NDUFS2: variants seen among roughly 807,000 people sequenced by gnomAD.
The protein encoded by NDUFS2 is NADH dehydrogenase [ubiquinone] iron-sulfur protein 2, mitochondrial.
A neutral mutation model predicts 69.6 loss-of-function variants in NDUFS2; 38 were observed. The ratio of observed to expected loss-of-function variants is 0.55; its 90% CI spans 0.42 to 0.72. NDUFS2 has a LOEUF of 0.72. Ranked by LOEUF, NDUFS2 falls within the 30% of genes least tolerant of loss-of-function variation. NDUFS2 has a pLI of 0.00. For missense variants in NDUFS2, 468 were observed against 595.0 expected, an observed-to-expected ratio of 0.79 and a Z score of 2.22; for synonymous variants, 194 against 211.2, an observed-to-expected ratio of 0.92 and a Z score of 0.70.
chr1:161,212,770 G>C, intron 10 of NDUFS2: 1 of 357,834 alleles, frequency 2.8e-6, no homozygotes, highest in Non-Finnish European at 5.4e-6. Flanking sequence ...TATTGGTCAG[G>C]GTGGTCTCGA....
intron 3 of NDUFS2, among the ~76,000 whole-genome samples, chr1:161,207,976 ATTTTT>A (rs965466967): frequency 2.3e-5 from 2 of 88,780 alleles, no homozygotes; most frequent in African/African-American, 1.2e-4. Context: ...TGCCTGGCTA[ATTTTT>A]TTTTTTTTTT....
chr1:161,209,602 G>C lies in NDUFS2; in HGVS notation c.627+7G>C. 1 of 1,603,532 alleles carries C rather than the reference G, an allele frequency of 6.2e-7. No individual in the cohort carries two copies. Among genetic ancestry groups the C allele is most frequent in the East Asian group, 2.2e-5 (1 of 44,824 alleles). ...GTTTGAAGAAAGGGAGAAGGTAAGA[G>C]TGGGAGGAAAGGATAGGAATAGGGA... On this transcript the variant is annotated splice_region_variant and intron_variant, in intron 5 of 13. Coordinates refer to ENST00000676972, the MANE Select transcript of NDUFS2 (RefSeq NM_001377299.1).
chr1:161,201,946 A>G (rs115518404), upstream of NDUFS2: 3,153 of 216,784 alleles, frequency 0.015, 42 homozygotes, highest in Non-Finnish European at 0.02. Context: ...TGGGAAAGTA[A>G]TTGGCAAAGC....
At position 161,202,459 on chromosome 1, in the gene NDUFS2, G is replaced by C. The variant is rs1665189958; in HGVS notation, c.74G>C (p.Arg25Pro). The stretch of plus-strand genomic sequence containing the variant: ...GTGCTGCGGCCTGGGGCTGGAGTCC[G>C]ATTGCCGATTCAGCCCAGCAGGTGA... ...AQVLRPGAGV[R>P]LPIQPSRGVR... The change falls in exon 1 of 14, where the codon CGA (arginine) becomes CCA (proline). Residue 25 changes from arginine to proline, a missense_variant. By Grantham distance (103) the Arg-to-Pro change is moderately radical (BLOSUM62 -2). Transcript: ENST00000676972. 1.9e-6 allele frequency: 3 copies of C among 1,611,760 alleles called. No individual in the cohort carries two copies. The highest frequency in any genetic ancestry group is 2.5e-6 in the Non-Finnish European group (3 of 1,179,350).
At chr1:161,213,779 C>T (rs769424107) in intron 12 of NDUFS2, 47 bp downstream of exon 12, 15 of 1,610,298 alleles carry the variant, frequency 9.3e-6, no homozygotes, top group African/African-American at 1.3e-5. Flanking sequence ...TTAAACCTGA[C>T]CTTGGTTGAG....
intron 10 of NDUFS2, chr1:161,212,787 G>C (rs181638800): frequency 2.9e-6 from 1 of 342,378 alleles, no homozygotes; most frequent in Non-Finnish European, 5.7e-6. Context: ...TCGAACTCCT[G>C]ACCTCAGGTG....
chr1:161,210,648 T>C lies in NDUFS2; in HGVS notation c.924T>C (p.Tyr308=), dbSNP rs1162159068. 1 of 1,614,092 alleles carries C rather than the reference T, an allele frequency of 6.2e-7. No individual in the cohort carries two copies. Among genetic ancestry groups the C allele is most frequent in the African/African-American group, 1.3e-5 (1 of 74,920 alleles). The change falls in exon 9 of 14, where the codon TAT becomes TAC. Residue 308 remains tyrosine (Y), a synonymous_variant. Transcript: ENST00000676972. ...IQWDLRKTQP[Y]DVYDQVEFDV... Reference sequence around the variant, plus strand: ...GGGACCTGCGGAAGACCCAGCCCTATGATGTTTACGACCAGGTTGAGTTTG... The same window carrying C: ...GGGACCTGCGGAAGACCCAGCCCTACGATGTTTACGACCAGGTTGAGTTTG...
At chr1:161,210,787 T>G in intron 9 of NDUFS2, 77 bp downstream of exon 9, 2 of 1,603,006 alleles carry the variant, frequency 1.2e-6, no homozygotes. Context: ...CACTTCCTTC[T>G]TTACCCTACT....
chr1:161,211,728 GT>G (rs964918976), intron 9 of NDUFS2, among the ~76,000 whole-genome samples: 1 of 120,098 alleles, frequency 8.3e-6, no homozygotes, highest in Non-Finnish European at 1.8e-5. Context: ...ACTGTGTATT[GT>G]TTTTTTTATT....
upstream of NDUFS2, chr1:161,198,198 A>G: frequency 6.2e-7 from 1 of 1,614,062 alleles, no homozygotes; most frequent in Non-Finnish European, 8.5e-7. This position sits in a 1 kb window ranked among gnomAD's most constrained non-coding sequence, Gnocchi z 4.7. Context: ...CCCCCATCCC[A>G]GTGCAGAGAT....
In NDUFS2 at chr1:161,209,910, C is replaced by A. The variant is rs1665677622; in HGVS notation, c.681C>A (p.Ile227=). Residue 227 remains isoleucine (I), a synonymous_variant, in exon 6 of 14, where the codon ATC becomes ATA. Transcript: ENST00000676972. ...VSGARMHAAY[I]RPGGVHQDLP... is the part of the protein sequence containing the mutation. ...GAGCCCGAATGCATGCTGCTTATAT[C>A]CGGCCAGGAGGAGTGCACCAGGTGA... The A allele has an allele frequency of 6.2e-7, 1 of 1,613,880 alleles. No homozygotes were observed. Among genetic ancestry groups the A allele is most frequent in the South Asian group, 1.1e-5 (1 of 91,072 alleles).
chr1:161,207,352 C>T (rs1032337474), intron 3 of NDUFS2, among the ~76,000 whole-genome samples: 8 of 152,200 alleles, frequency 5.3e-5, no homozygotes, highest in Non-Finnish European at 8.8e-5. Context: ...CAGCTAGTAG[C>T]GTCTTAGCTC....
chr1:161,205,379 T>C (rs1471516415), intron 2 of NDUFS2, among the ~76,000 whole-genome samples: 1 of 152,214 alleles, frequency 6.6e-6, no homozygotes, highest in Non-Finnish European at 1.5e-5. Context: ...GTTTACTTCC[T>C]TGTTTCTAAG....
At chr1:161,201,253 G>A (rs1422288144), upstream of NDUFS2, among the ~76,000 whole-genome samples, 1 of 152,208 alleles carries the variant, frequency 6.6e-6, no homozygotes, top group Non-Finnish European at 1.5e-5. Flanking sequence ...CCAGAAGTCT[G>A]GCTTTCCCCT....
chr1:161,210,014 A>G, intron 6 of NDUFS2, 83 bp downstream of exon 6: 6 of 1,597,264 alleles, frequency 3.8e-6, no homozygotes, highest in Admixed American at 1.7e-5. Flanking sequence ...TGGATGATGG[A>G]AACTCCAAAC....
chr1:161,197,857 T>C (rs771800462), upstream of NDUFS2: 81 of 1,307,936 alleles, frequency 6.2e-5, no homozygotes, highest in Non-Finnish European at 8.0e-5. Flanking sequence ...AGGAGGCTCA[T>C]GGAGAAAGGA....
In NDUFS2 at chr1:161,211,628, C is replaced by T. The variant is rs551059608; in HGVS notation, c.987-723C>T. On this transcript the variant is annotated intron_variant, in intron 9 of 13. Coordinates refer to ENST00000676972, the MANE Select transcript of NDUFS2 (RefSeq NM_001377299.1). ...TGGAGCCACTGCATTCCAGCCTGGGCGACAGAGCGAGACTCTGTCTCAAAA... is the reference window on the plus strand; with the variant it reads ...TGGAGCCACTGCATTCCAGCCTGGGTGACAGAGCGAGACTCTGTCTCAAAA... 3.1e-3 allele frequency among the ~76,000 whole-genome samples: 476 copies of T among 152,076 alleles called. 3 individuals are homozygous for T. The highest frequency in any genetic ancestry group is 8.0e-3 in the Admixed American group (122 of 15,278).
At position 161,206,489 on chromosome 1, in the gene NDUFS2, G is replaced by A. The variant is rs764795771; in HGVS notation, c.285G>A (p.Leu95=). The A allele has an allele frequency of 1.3e-5, 21 of 1,614,258 alleles. No individual in the cohort carries two copies. The Admixed American group carries it at 3.5e-4, about 27-fold the overall frequency. ...GPQHPAAHGV[L]RLVMELSGEM... Reference sequence around the variant, plus strand: ...AACACCCAGCAGCGCATGGTGTCCTGCGACTAGTGATGGAATTGAGTGGGG... The same window carrying A: ...AACACCCAGCAGCGCATGGTGTCCTACGACTAGTGATGGAATTGAGTGGGG... Residue 95 remains leucine, a synonymous_variant, in exon 3 of 14, where the codon CTG becomes CTA. Coordinates refer to ENST00000676972, the MANE Select transcript of NDUFS2 (RefSeq NM_001377299.1).
chr1:161,198,584 C>A, upstream of NDUFS2: 1 of 1,542,184 alleles, frequency 6.5e-7, no homozygotes, highest in South Asian at 1.2e-5. This position sits in a 1 kb window ranked among gnomAD's most constrained non-coding sequence, Gnocchi z 4.7. Flanking sequence ...CCACAGCCAG[C>A]GCCCTGCCAA....
Sources: gnomAD v4.1 joint callset for allele counts (sites outside exome capture counted in the v4.1 genomes callset) on GRCh38, gnomAD v4.1.1 for gene constraint, Gnocchi (gnomAD v3.1) non-coding constraint, MANE v1.5 for transcripts, NCBI Gene and HGNC (gene_info 2026-07-23, HGNC 2026-07-21) for gene names.